The following GPR160 variants were observed in gnomAD, a reference collection of about 807,000 sequenced individuals.
The protein encoded by GPR160 is probable G protein-coupled receptor 160.
GPR160 carries 2 observed loss-of-function variants against 2.6 expected under a neutral mutation model. The ratio of observed to expected loss-of-function variants is 0.77; its 90% CI spans 0.32 to 2.44. The LOEUF (loss-of-function observed/expected upper bound fraction) is 2.44, where lower values mean the gene tolerates loss of function less well. GPR160 is among the 30% of genes most tolerant of loss of function. The pLI is 0.11. For synonymous variants in GPR160, 130 were observed against 132.2 expected (o/e 0.98, Z 0.12); for missense variants, 351 against 383.6 (o/e 0.91, Z 0.71).
intron 2 of GPR160, among the ~76,000 whole-genome samples, chr3:170,074,235 G>A (rs2108342233): frequency 6.6e-6 from 1 of 152,156 alleles, no homozygotes; most frequent in East Asian, 1.9e-4. Flanking sequence ...CGGAGTTTCG[G>A]TAGTGTCTTT....
intron 2 of GPR160, among the ~76,000 whole-genome samples, chr3:170,072,501 T>C (rs1382439574): frequency 6.6e-6 from 1 of 152,166 alleles, no homozygotes; most frequent in African/African-American, 2.4e-5. Context: ...GGGTAATTTA[T>C]AAAGAAAAGA....
chr3:170,052,151 C>G (rs1716983782), intron 2 of GPR160, among the ~76,000 whole-genome samples: 1 of 152,218 alleles, frequency 6.6e-6, no homozygotes, highest in Non-Finnish European at 1.5e-5. Context: ...ATCTCGAACT[C>G]CTGACCTCAA....
intron 3 of GPR160, among the ~76,000 whole-genome samples, chr3:170,080,234 A>G (rs1010857184): frequency 6.6e-6 from 1 of 152,162 alleles, no homozygotes; most frequent in Non-Finnish European, 1.5e-5. Context: ...AAAAAACAAA[A>G]TATTGGAATT....
At chr3:170,083,619 A>C (rs1713251630) in intron 3 of GPR160, 1 of 160,448 alleles carries the variant, frequency 6.2e-6, no homozygotes, top group African/African-American at 2.4e-5. Flanking sequence ...CCATTTCTCT[A>C]TCTAAAAGTT....
chr3:170,047,232 G>A (rs1716761105), intron 2 of GPR160, among the ~76,000 whole-genome samples: 1 of 152,000 alleles, frequency 6.6e-6, no homozygotes, highest in Non-Finnish European at 1.5e-5. Flanking sequence ...TGTGTAGTCT[G>A]TACCTGCCAC....
At chr3:170,056,045 T>C (rs3772178) in intron 2 of GPR160, among the ~76,000 whole-genome samples, 25,483 of 152,254 alleles carry the variant, frequency 0.17, 2,504 homozygotes, top group African/African-American at 0.27. Flanking sequence ...ATCCCATTCC[T>C]ATATTGTTGA....
intron 2 of GPR160, chr3:170,062,576 C>A: frequency 1.0e-6 from 1 of 972,016 alleles, no homozygotes; most frequent in Non-Finnish European, 1.6e-6. Context: ...ACCCCTCGCA[C>A]CTTTTCCAAA....
intron 2 of GPR160, among the ~76,000 whole-genome samples, chr3:170,055,438 T>C (rs1201160031): frequency 6.6e-6 from 1 of 152,202 alleles, no homozygotes; most frequent in African/African-American, 2.4e-5. Flanking sequence ...TCTCTGGTGG[T>C]TGAGTCATAC....
intron 2 of GPR160, among the ~76,000 whole-genome samples, chr3:170,063,834 C>T (rs975997257): frequency 1.1e-4 from 17 of 152,102 alleles, no homozygotes; most frequent in Non-Finnish European, 2.4e-4. Context: ...TTACTGAGCT[C>T]GTGGCCCTGA....
rs768660597 is a variant in GPR160 at position 170,066,130 on chromosome 3, C to CTTTTT, written c.-192-13620_-192-13616dup. ...ACTTGACACTATTCTTTTTCTTTTT[C>CTTTTT]TTTTTTTTTTTTTTTTTTTTTTTTT... On this transcript the variant is annotated intron_variant, in intron 2 of 3. Transcript: ENST00000355897. 2.4e-3 allele frequency among the ~76,000 whole-genome samples: 203 copies of CTTTTT among 85,196 alleles called. 7 individuals carry two copies. The highest frequency in any genetic ancestry group is 2.9e-3 in the African/African-American group (56 of 19,402). 55.9% of individuals were successfully genotyped at this position (85,196 alleles called of 152,430 possible).
intron 2 of GPR160, among the ~76,000 whole-genome samples, chr3:170,065,245 C>G (rs57105084): frequency 0.37 from 56,662 of 151,980 alleles, 11,525 homozygotes; most frequent in East Asian, 0.69. Context: ...GTTTTCCTTT[C>G]AGTTATCTGT....
chr3:170,078,736 A>G (rs991804426), intron 2 of GPR160, among the ~76,000 whole-genome samples: 1 of 152,220 alleles, frequency 6.6e-6, no homozygotes, highest in Non-Finnish European at 1.5e-5. Context: ...ACGCAAAGCC[A>G]GAACACGAGC....
At chr3:170,080,706 T>C (rs1713080873) in intron 3 of GPR160, among the ~76,000 whole-genome samples, 1 of 152,188 alleles carries the variant, frequency 6.6e-6, no homozygotes, top group Non-Finnish European at 1.5e-5. Flanking sequence ...GTTGCCTACC[T>C]GGCTTTTCTT....
intron 2 of GPR160, among the ~76,000 whole-genome samples, chr3:170,079,531 G>A (rs1713027096): frequency 6.6e-6 from 1 of 152,216 alleles, no homozygotes; most frequent in South Asian, 2.1e-4. Context: ...TATAAAGCAA[G>A]ATTCCTTTAA....
intron 2 of GPR160, chr3:170,077,174 C>G (rs1712895090): frequency 6.6e-6 from 1 of 152,234 alleles, no homozygotes; most frequent in African/African-American, 2.4e-5. Flanking sequence ...TGAATTCCAT[C>G]TTCTACACAA....
chr3:170,053,457 G>A (rs1463661261), intron 2 of GPR160, among the ~76,000 whole-genome samples: 1 of 152,100 alleles, frequency 6.6e-6, no homozygotes, highest in East Asian at 1.9e-4. Flanking sequence ...AAATTGACCT[G>A]TGATCTTAAC....
intron 2 of GPR160, among the ~76,000 whole-genome samples, chr3:170,064,023 A>T (rs892638082): frequency 2.6e-5 from 4 of 152,272 alleles, no homozygotes; most frequent in South Asian, 2.1e-4. Flanking sequence ...TGAATTTATT[A>T]AAAAATAATA....
At position 170,085,007 on chromosome 3, in the gene GPR160, TAC is replaced by T; in HGVS notation, c.*20_*21del. 4.0e-6 allele frequency: 5 copies of T among 1,258,250 alleles called. No individual in the cohort carries two copies. The highest frequency in any genetic ancestry group is 5.5e-6 in the Non-Finnish European group (5 of 912,080). 77.9% of individuals were successfully genotyped at this position (1,258,250 alleles called of 1,614,324 possible). A position where few individuals can be genotyped will look rare whatever the true frequency, so the allele number is the denominator to read the frequency against. On this transcript the variant is annotated 3_prime_UTR_variant, in exon 4 of 4. Coordinates refer to ENST00000355897, the MANE Select transcript of GPR160 (RefSeq NM_014373.3). ...TTTGTTAATATTATTAATTAAAAGT[TAC>T]AGCTGTCATAAGATCATAATTTTAT...
At chr3:170,053,486 C>A (rs957210635) in intron 2 of GPR160, among the ~76,000 whole-genome samples, 1 of 151,922 alleles carries the variant, frequency 6.6e-6, no homozygotes, top group African/African-American at 2.4e-5. Context: ...TTTATTAATT[C>A]CAGTAGATTT....
Sources: allele counts gnomAD v4.1 joint callset (sites outside exome capture counted in the v4.1 genomes callset), GRCh38; gene constraint gnomAD v4.1.1; transcripts MANE v1.5; gene names NCBI Gene and HGNC (gene_info 2026-07-23, HGNC 2026-07-21).